Variants in MAPRE2 observed in about 807,000 individuals in gnomAD.
The protein encoded by MAPRE2 is microtubule associated protein RP/EB family member 2.
Under a neutral mutation model 43.2 loss-of-function variants are expected in MAPRE2, and 13 were observed. The observed-to-expected ratio is 0.30, with a 90% CI of 0.20 to 0.48. MAPRE2 has a LOEUF of 0.48. Ranked by LOEUF, MAPRE2 falls within the 20% of genes least tolerant of loss-of-function variation. MAPRE2 has a pLI of 0.99. For missense variants in MAPRE2, 161 were observed against 400.2 expected (o/e 0.40, Z 5.10); for synonymous variants, 135 against 148.8 (o/e 0.91, Z 0.68).
chr18:34,989,482 A>G (rs925261874), intron 1 of MAPRE2, among the ~76,000 whole-genome samples: 1 of 152,108 alleles, frequency 6.6e-6, no homozygotes, highest in East Asian at 1.9e-4. Context: ...GGCTCAGGCA[A>G]GAGGATTTAT....
chr18:35,067,508 G>A (rs1463773050), intron 1 of MAPRE2, among the ~76,000 whole-genome samples: 1 of 152,110 alleles, frequency 6.6e-6, no homozygotes, highest in East Asian at 1.9e-4. Context: ...TTACTCACTT[G>A]TGTATGGGTT....
intron 1 of MAPRE2, among the ~76,000 whole-genome samples, chr18:35,044,388 G>A (rs1019970221): frequency 1.1e-4 from 17 of 152,152 alleles, no homozygotes; most frequent in Middle Eastern, 3.4e-3. Flanking sequence ...GCGCCACCAC[G>A]CCCAGCTAAT....
upstream of MAPRE2, among the ~76,000 whole-genome samples, chr18:35,036,559 C>T (rs906054612): frequency 4.6e-5 from 7 of 152,076 alleles, no homozygotes; most frequent in East Asian, 1.9e-4. Context: ...CTGCTGTTTC[C>T]GAGAGATGTT....
chr18:35,135,239 G>A (rs1231789085), intron 6 of MAPRE2, among the ~76,000 whole-genome samples: 2 of 152,186 alleles, frequency 1.3e-5, no homozygotes, highest in Non-Finnish European at 2.9e-5. Context: ...TTTGGAATGT[G>A]ACAAGACCCA....
chr18:35,078,098 G>A (rs1907458404), intron 2 of MAPRE2, among the ~76,000 whole-genome samples: 1 of 152,066 alleles, frequency 6.6e-6, no homozygotes, highest in Non-Finnish European at 1.5e-5. Context: ...TTTTATAAAT[G>A]AATTTATGAT....
At chr18:35,059,433 A>G (rs145279117) in intron 1 of MAPRE2, among the ~76,000 whole-genome samples, 31 of 152,182 alleles carry the variant, frequency 2.0e-4, no homozygotes, top group African/African-American at 7.2e-4. Flanking sequence ...TGCCTTTTGT[A>G]TGATTTGGCA....
intron 1 of MAPRE2, chr18:34,977,128 C>T (rs538610287): frequency 6.5e-6 from 1 of 153,854 alleles, no homozygotes; most frequent in East Asian, 1.9e-4. Flanking sequence ...ACCCCGACAC[C>T]CCCTGCACTG....
chr18:35,086,607 CCAAA>C (rs966560767), intron 2 of MAPRE2, among the ~76,000 whole-genome samples: 4 of 151,732 alleles, frequency 2.6e-5, no homozygotes, highest in African/African-American at 9.7e-5. Context: ...ATAAAAATTT[CCAAA>C]CACTCTTTGA....
chr18:35,054,965 G>T (rs754735685), intron 1 of MAPRE2, among the ~76,000 whole-genome samples: 62 of 152,142 alleles, frequency 4.1e-4, no homozygotes, highest in Non-Finnish European at 7.1e-4. Context: ...TGAAATTAAG[G>T]ATGTTAAAAT....
intron 2 of MAPRE2, among the ~76,000 whole-genome samples, chr18:35,017,241 G>GTTTTTT (rs1176978251): frequency 5.8e-5 from 3 of 51,490 alleles, no homozygotes; most frequent in African/African-American, 2.0e-4. Context: ...CTCCGGTTTT[G>GTTTTTT]TTGTTTTTTT....
Position 35,097,449 on chromosome 18 carries a change from C to T in MAPRE2, c.254C>T (p.Ala85Val). ...YTKVEQLCSG[A>V]AYCQFMDMLF... ...TACTGTTCTTGTTTCTTTCCAGGAG[C>T]GGCCTATTGCCAATTCATGGACATG... is the stretch of plus-strand genomic sequence containing the variant. Residue 85 changes from alanine (A) to valine (V), a missense_variant, in exon 3 of 7, where the codon GCG becomes GTG. Physicochemically the swap from Ala to Val is moderately conservative, Grantham distance 64. Transcript: ENST00000300249. 1 of 1,613,402 alleles carries T rather than the reference C, an allele frequency of 6.2e-7. No individual in the cohort carries two copies. Among genetic ancestry groups the T allele is most frequent in the Non-Finnish European group, 8.5e-7 (1 of 1,179,594 alleles).
chr18:35,093,037 C>A (rs1011611953), intron 2 of MAPRE2, among the ~76,000 whole-genome samples: 11 of 151,894 alleles, frequency 7.2e-5, no homozygotes, highest in South Asian at 2.1e-4. Flanking sequence ...CATGGTAAAA[C>A]CCCATCTCTT....
Position 35,003,030 on chromosome 18 carries a change from A to G in MAPRE2, c.-69-2462A>G, listed in dbSNP as rs28502391. Among the ~76,000 whole-genome samples, 1,121 of 152,168 alleles carry G rather than the reference A, an allele frequency of 7.4e-3. 10 individuals carry two copies. Among genetic ancestry groups the G allele is most frequent in the African/African-American group, 0.025 (1,021 of 41,508 alleles). On this transcript the variant is annotated intron_variant, in intron 1 of 7. Coordinates refer to the MAPRE2 transcript ENST00000413393. ...TTTTCTATAAGTTTTGTAGTCTTAC[A>G]TTTCACATTTATGCCATGATCCATT...
At chr18:34,997,709 G>A (rs1974402) in intron 1 of MAPRE2, among the ~76,000 whole-genome samples, 100 of 152,222 alleles carry the variant, frequency 6.6e-4, no homozygotes, top group Non-Finnish European at 1.1e-3. Flanking sequence ...CCAGCTATTC[G>A]GGAGGCTGAG....
chr18:35,111,744 T>C (rs1270633430), intron 4 of MAPRE2, among the ~76,000 whole-genome samples: 1 of 152,240 alleles, frequency 6.6e-6, no homozygotes, highest in East Asian at 1.9e-4. Context: ...CATTTACCTT[T>C]TGAGAAACTC....
At chr18:35,034,239 C>T (rs546672451) in intron 2 of MAPRE2, among the ~76,000 whole-genome samples, 2 of 152,014 alleles carry the variant, frequency 1.3e-5, no homozygotes, top group South Asian at 4.1e-4. Flanking sequence ...CTTTGACAAC[C>T]CTGAGAAAAA....
At chr18:35,005,501 T>A (rs1442306465) in exon 2 of MAPRE2, 12 of 1,539,224 alleles carry the variant, frequency 7.8e-6, no homozygotes, top group Non-Finnish European at 1.1e-5. Flanking sequence ...GTGTCCTGTT[T>A]CCCAGAGGAA....
intron 4 of MAPRE2, 133 bp downstream of exon 4, chr18:35,102,292 T>C: frequency 1.6e-6 from 1 of 627,844 alleles, no homozygotes; most frequent in Admixed American, 3.6e-5. Flanking sequence ...TGATTTCTAC[T>C]GTTGTCTGTT....
chr18:35,055,533 T>TTCTC (rs1483703932), intron 1 of MAPRE2, among the ~76,000 whole-genome samples: 1,347 of 70,876 alleles, frequency 0.019, 21 homozygotes, highest in African/African-American at 0.08. Context: ...CACTATTCAG[T>TTCTC]TCTCTGTGTG....
Sources: allele counts gnomAD v4.1 joint callset (sites outside exome capture counted in the v4.1 genomes callset), GRCh38; gene constraint gnomAD v4.1.1; transcripts MANE v1.5; gene names NCBI Gene and HGNC (gene_info 2026-07-23, HGNC 2026-07-21).